The following TCEANC variants were observed in gnomAD, a reference collection of about 807,000 sequenced individuals.
TCEANC encodes transcription elongation factor A N-terminal and central domain-containing protein.
Under a neutral mutation model 8.7 loss-of-function variants are expected in TCEANC, and 8 were observed. The observed-to-expected ratio is 0.92, with a 90% confidence interval of 0.54 to 1.65. The LOEUF is 1.65. Ranked by LOEUF, TCEANC falls within the 40% of genes most tolerant of loss-of-function variation. The pLI, the probability that TCEANC is intolerant of heterozygous loss-of-function variation, is 0.00. For synonymous variants in TCEANC, 78 were observed against 92.9 expected, an observed-to-expected ratio of 0.84 and a Z score of 0.92; for missense variants, 255 against 251.9, an observed-to-expected ratio of 1.01 and a Z score of -0.08.
chrX:13,660,504 C>G (rs964972838), intron 1 of TCEANC, among the ~76,000 whole-genome samples: 13 of 112,128 alleles, frequency 1.2e-4, no homozygotes, highest in Admixed American at 9.4e-5. Context: ...TTTTCTGTCT[C>G]TATAGATTTG....
intron 1 of TCEANC, among the ~76,000 whole-genome samples, chrX:13,657,448 A>T (rs2045931731): frequency 8.9e-6 from 1 of 112,686 alleles, no homozygotes; most frequent in African/African-American, 3.2e-5. Flanking sequence ...GCAAAACTAT[A>T]TGAAAGATTA....
chrX:13,659,269 A>C (rs906409844), intron 1 of TCEANC, among the ~76,000 whole-genome samples: 3 of 112,333 alleles, frequency 2.7e-5, no homozygotes, highest in African/African-American at 9.7e-5. Flanking sequence ...TGAAATCAGG[A>C]TGGAGGTTTG....
intron 1 of TCEANC, among the ~76,000 whole-genome samples, chrX:13,662,218 A>G (rs1443363392): frequency 1.8e-5 from 2 of 111,889 alleles, no homozygotes; most frequent in Non-Finnish European, 3.8e-5. Context: ...TTGGAGGTGG[A>G]AAAGCTATAG....
At chrX:13,663,777 A>G (rs143017839) in exon 2 of TCEANC, 7,381 of 367,623 alleles carry the variant, frequency 0.02, 148 homozygotes, top group African/African-American at 0.09. Flanking sequence ...GTGGCCATTT[A>G]GTACCTTACT....
At chrX:13,659,847 G>A (rs749554971) in intron 1 of TCEANC, 79 bp downstream of exon 3, 1 of 111,536 alleles carries the variant, frequency 9.0e-6, no homozygotes, top group African/African-American at 3.3e-5. Flanking sequence ...GGATAGACTC[G>A]ATCTCTTGAC....
chrX:13,662,839 C>T lies in TCEANC; in HGVS notation c.331C>T (p.Gln111Ter). Residue 111 changes from glutamine to a stop codon, truncating the protein, a stop_gained, in exon 2 of 2, where the codon CAG (glutamine) becomes TAG (stop). Transcript: ENST00000380600. LOFTEE classifies it low-confidence loss of function (END_TRUNC). ...TTCAGGACCTTCTCATGACCCAAGT[C>T]AGAATGAGACACTGGGCATCTGCAG... The T allele has an allele frequency of 3.3e-6, 4 of 1,211,462 alleles. No individual in the cohort carries two copies. The highest frequency in any genetic ancestry group is 4.5e-6 in the Non-Finnish European group (4 of 895,271).
chrX:13,662,852 T>C (rs754245008), exon 2 of TCEANC: 1 of 1,211,707 alleles, frequency 8.3e-7, no homozygotes, highest in Non-Finnish European at 1.1e-6. Flanking sequence ...AATGAGACAC[T>C]GGGCATCTGC....
chrX:13,653,243 T>C (rs113320623), upstream of TCEANC: 1 of 112,956 alleles, frequency 8.9e-6, no homozygotes, highest in South Asian at 3.6e-4. Flanking sequence ...GGCGAGCCCT[T>C]ATTCCCAGCG....
At chrX:13,656,630 A>G (rs187179810) in intron 1 of TCEANC, among the ~76,000 whole-genome samples, 1 of 112,911 alleles carries the variant, frequency 8.9e-6, no homozygotes, top group African/African-American at 3.2e-5. Flanking sequence ...GCAGGGTCTC[A>G]AAGAGAGATT....
At chrX:13,659,857 C>T (rs1203625589) in intron 1 of TCEANC, 89 bp downstream of exon 3, 2 of 111,788 alleles carry the variant, frequency 1.8e-5, no homozygotes, top group African/African-American at 6.5e-5. Context: ...GATCTCTTGA[C>T]CTCATGATCC....
At chrX:13,654,260 T>C (rs980201972), upstream of TCEANC, among the ~76,000 whole-genome samples, 3 of 113,065 alleles carry the variant, frequency 2.7e-5, no homozygotes, top group Non-Finnish European at 5.6e-5. Flanking sequence ...GTGGTTTACA[T>C]GTTATATATA....
intron 1 of TCEANC, among the ~76,000 whole-genome samples, chrX:13,660,523 G>A (rs1179191649): frequency 8.9e-6 from 1 of 111,980 alleles, no homozygotes; most frequent in African/African-American, 3.3e-5. Context: ...TGCCTGTTTT[G>A]GACATTTCAT....
rs768336616 is a variant in TCEANC, at chrX:13,662,576, T to C, written c.68T>C (p.Phe23Ser). ...GAGCAACTGATGTCCAAAAGGAATT[T>C]TGAGGATCTTGGCAACCACCTTACT... is the stretch of plus-strand genomic sequence containing the variant. The change falls in exon 2 of 2, where the codon TTT becomes TCT. Residue 23 changes from phenylalanine (F) to serine (S), a missense_variant. Phe to Ser is a radical substitution (Grantham distance 155, BLOSUM62 -2). Coordinates refer to ENST00000380600, the Ensembl canonical transcript of TCEANC. 1.7e-5 allele frequency: 21 copies of C among 1,210,087 alleles called. No individual in the cohort carries two copies. In the African/African-American group the frequency reaches 3.7e-4, roughly 21 times the overall value.
chrX:13,663,422 G>A, exon 2 of TCEANC: 1 of 1,183,889 alleles, frequency 8.4e-7, no homozygotes. Context: ...AAATACAATT[G>A]CAAAGTCACT....
At chrX:13,655,931 A>T (rs1447722173) in intron 1 of TCEANC, among the ~76,000 whole-genome samples, 3 of 112,395 alleles carry the variant, frequency 2.7e-5, no homozygotes, top group African/African-American at 9.7e-5. Context: ...CCACTGGCCA[A>T]GGAGCTTTGG....
chrX:13,656,386 A>G (rs2045924594), intron 1 of TCEANC, among the ~76,000 whole-genome samples: 1 of 112,368 alleles, frequency 8.9e-6, no homozygotes, highest in African/African-American at 3.2e-5. Context: ...TTTTATGGCA[A>G]TTGTCAGAAT....
chrX:13,661,657 A>G (rs1569217498), intron 1 of TCEANC, among the ~76,000 whole-genome samples: 1 of 112,667 alleles, frequency 8.9e-6, no homozygotes, highest in East Asian at 2.8e-4. Context: ...AGACAAGATT[A>G]TGTACATTAT....
chrX:13,663,697 A>G, exon 2 of TCEANC: 1 of 607,015 alleles, frequency 1.6e-6, no homozygotes, highest in South Asian at 4.0e-5. Context: ...CGTTAGCTGA[A>G]GCTGCCACCA....
chrX:13,661,416 A>G (rs2045965638), intron 1 of TCEANC, among the ~76,000 whole-genome samples: 2 of 112,136 alleles, frequency 1.8e-5, no homozygotes, highest in Non-Finnish European at 3.8e-5. Flanking sequence ...GAATTACTAA[A>G]AGGTCATTAT....
Sources: allele counts gnomAD v4.1 joint callset (sites outside exome capture counted in the v4.1 genomes callset), GRCh38; gene constraint gnomAD v4.1.1; transcripts MANE v1.5; gene names NCBI Gene and HGNC (gene_info 2026-07-23, HGNC 2026-07-21).